Variants in MYH14 observed in about 807,000 individuals in gnomAD.
MYH14 encodes the protein myosin heavy chain 14.
Under a neutral mutation model 255.5 loss-of-function variants are expected in MYH14, and 123 were observed. That is an observed-to-expected ratio of 0.48 (90% CI 0.42 to 0.56). The LOEUF (loss-of-function observed/expected upper bound fraction) is 0.56. MYH14 is among the 20% of genes least tolerant of loss of function. The pLI, the probability that MYH14 is intolerant of heterozygous loss-of-function variation, is 0.00. For synonymous variants in MYH14, 1,095 were observed against 1,161.2 expected, an observed-to-expected ratio of 0.94 and a Z score of 1.16; for missense variants, 2,423 against 2,802.3, an observed-to-expected ratio of 0.86 and a Z score of 3.06.
chr19:50,285,647 A>G (rs2035867026), intron 33 of MYH14: 1 of 152,172 alleles, frequency 6.6e-6, no homozygotes, highest in Admixed American at 6.5e-5. Context: ...TACATAGATG[A>G]TCATGTTTTC....
rs921406950 is a variant in MYH14 at position 50,290,948 on chromosome 19, C to G, written c.5027C>G (p.Ala1676Gly). 1 of 1,597,750 alleles carries G rather than the reference C, an allele frequency of 6.3e-7. No individual in the cohort carries two copies. The highest frequency in any genetic ancestry group is 8.5e-7 in the Non-Finnish European group (1 of 1,172,920). ...ERKQRTLAVA[A>G]RKKLEGELEE... ...AAGCAGCGCACTCTGGCCGTGGCTG[C>G]CCGCAAGAAGCTGGAGGGAGAGCTG... Residue 1676 changes from alanine (A) to glycine (G), a missense_variant, in exon 36 of 43, where the codon GCC (alanine) becomes GGC (glycine). This residue lies in a region of MYH14 where 1,513 missense variants were observed against 1,674.8 expected (regional missense o/e 0.90). Coordinates refer to ENST00000642316, the MANE Select transcript of MYH14 (RefSeq NM_001145809.2).
intron 21 of MYH14, among the ~76,000 whole-genome samples, chr19:50,261,930 C>T (rs1372944513): frequency 2.0e-5 from 3 of 152,120 alleles, no homozygotes; most frequent in African/African-American, 4.8e-5. Flanking sequence ...ACTTCCAGTG[C>T]TAAAACAGAG....
At chr19:50,227,014 T>C in intron 8 of MYH14, 48 bp downstream of exon 8, 1 of 1,570,298 alleles carries the variant, frequency 6.4e-7, no homozygotes, top group Non-Finnish European at 8.7e-7. Context: ...GGGCAGCCTT[T>C]CAGACAGCAC....
rs202198038 is a variant in MYH14 at position 50,249,092 on chromosome 19, G to A, written c.1435G>A (p.Ala479Thr). The change falls in exon 13 of 43, where the codon GCC (alanine) becomes ACC (threonine). Residue 479 changes from alanine (A) to threonine (T), a missense_variant. By Grantham distance (58) the Ala-to-Thr change is moderately conservative. Around this residue, in one of 3 missense-constraint regions of MYH14, gnomAD observed 672 missense variants for 881.8 expected, o/e 0.76. Transcript: ENST00000642316. Reference sequence around the variant, plus strand: ...CTTGGACCGCAGCCCCCGCCAAGGCGCCTCCTTCCTGGGCATCCTGGACAT... The same window carrying A: ...CTTGGACCGCAGCCCCCGCCAAGGCACCTCCTTCCTGGGCATCCTGGACAT... Reference protein sequence around the residue: ...RALDRSPRQGASFLGILDIAG... With the variant: ...RALDRSPRQGTSFLGILDIAG... The A allele has an allele frequency of 1.3e-5, 21 of 1,602,742 alleles. No individual in the cohort carries two copies. Among genetic ancestry groups the A allele is most frequent in the African/African-American group, 4.0e-5 (3 of 74,844 alleles).
rs2036793039 is a variant in MYH14 at position 50,309,761 on chromosome 19, G to A, written c.6082G>A (p.Glu2028Lys). Reference sequence around the variant, plus strand: ...TGGGTCTGGGCCATCCCCGGAGCCTGAGGGGTCCCCACCAGCCCACCCCCA... The same window carrying A: ...TGGGTCTGGGCCATCCCCGGAGCCTAAGGGGTCCCCACCAGCCCACCCCCA... Reference protein sequence around the residue: ...QPGSGPSPEPEGSPPAHPQ With the variant: ...QPGSGPSPEPKGSPPAHPQ The change falls in exon 43 of 43, where the codon GAG becomes AAG. Residue 2028 changes from glutamate to lysine, a missense_variant. Transcript: ENST00000642316. 23 of 1,588,410 alleles carry A rather than the reference G, an allele frequency of 1.4e-5. No individual in the cohort carries two copies. The highest frequency in any genetic ancestry group is 1.9e-5 in the Non-Finnish European group (22 of 1,167,858).
intron 18 of MYH14, 88 bp from the exon 19 acceptor site, chr19:50,259,056 A>G (rs956545287): frequency 7.7e-5 from 114 of 1,481,948 alleles, no homozygotes; most frequent in Non-Finnish European, 8.6e-5. Context: ...AGTAAATTAC[A>G]TGTGGAAACA....
intron 11 of MYH14, among the ~76,000 whole-genome samples, chr19:50,246,653 C>A (rs1008636042): frequency 6.0e-5 from 6 of 100,732 alleles, no homozygotes; most frequent in African/African-American, 8.8e-5. Context: ...AACAAAAAAA[C>A]CATCAGAACA....
Position 50,210,591 on chromosome 19 carries a change from G to T in MYH14, c.226G>T (p.Glu76Ter). Residue 76 changes from glutamate (E) to a stop codon, truncating the protein, a stop_gained, in exon 2 of 43, where the codon GAG (glutamate) becomes TAG (stop). Transcript: ENST00000642316. LOFTEE classifies it high-confidence loss of function. Reference protein sequence around the residue: ...EAAALRDEGEEEAEVELAESG... With the variant: ...EAAALRDEGE ...GGCGGCGCTGCGGGACGAAGGCGAG[G>T]AGGAGGCGGAGGTGGAGCTGGCGGA... The T allele has an allele frequency of 6.4e-7, 1 of 1,573,210 alleles. No homozygotes were observed.
At chr19:50,217,277 C>T (rs1214438603) in intron 2 of MYH14, among the ~76,000 whole-genome samples, 1 of 152,184 alleles carries the variant, frequency 6.6e-6, no homozygotes, top group African/African-American at 2.4e-5. Flanking sequence ...TTTGCTGCTA[C>T]AAAGAGTGCC....
At position 50,266,021 on chromosome 19, in the gene MYH14, G is replaced by C. The variant is rs2035070029; in HGVS notation, c.2695-856G>C. Among the ~76,000 whole-genome samples the C allele has an allele frequency of 2.6e-5, 4 of 152,072 alleles. No individual in the cohort carries two copies. The highest frequency in any genetic ancestry group is 2.6e-4 in the Admixed American group (4 of 15,250). ...TACCTGCGAAAGATGCAAGGAGTCG[G>C]GGCAGAAAAGGAGAGAATAGAAGGG... On this transcript the variant is annotated intron_variant, in intron 22 of 42. Coordinates refer to ENST00000642316, the MANE Select transcript of MYH14 (RefSeq NM_001145809.2). This position sits in a 1 kb window ranked among gnomAD's most constrained non-coding sequence, Gnocchi z 4.1.
chr19:50,260,432 A>G (rs757616601), intron 19 of MYH14, among the ~76,000 whole-genome samples: 6 of 152,166 alleles, frequency 3.9e-5, no homozygotes, highest in Non-Finnish European at 7.3e-5. Context: ...CTCAAAAAAC[A>G]AACAAAACAA....
In MYH14 at chr19:50,221,312, A is replaced by G. The variant is rs1216720978; in HGVS notation, c.563-1771A>G. 6.6e-6 allele frequency among the ~76,000 whole-genome samples: 1 copy of G among 152,094 alleles called. No individual in the cohort carries two copies. Among genetic ancestry groups the G allele is most frequent in the Non-Finnish European group, 1.5e-5 (1 of 68,006 alleles). ...CTGGCCCAAGGTCACGCAGCAAGTC[A>G]GAGAGGCAGCCGGGCGGTGAACCTG... On this transcript the variant is annotated intron_variant, in intron 3 of 42. Transcript: ENST00000642316. This position sits in a 1 kb window ranked among gnomAD's most constrained non-coding sequence, Gnocchi z 5.3.
intron 32 of MYH14, 127 bp from the exon 33 acceptor site, chr19:50,281,467 C>A: frequency 7.3e-7 from 1 of 1,361,304 alleles, no homozygotes; most frequent in South Asian, 1.6e-5. Context: ...GGCAGAAGAG[C>A]CCAGCAGAAT....
At chr19:50,260,749 G>GTA in intron 20 of MYH14, 34 bp downstream of exon 20, 1 of 1,352,512 alleles carries the variant, frequency 7.4e-7, no homozygotes, top group Non-Finnish European at 1.0e-6. Flanking sequence ...GCGTGTGTGC[G>GTA]TGTGTGTGTG....
At chr19:50,304,148 A>C (rs1568559366) in intron 40 of MYH14, among the ~76,000 whole-genome samples, 1 of 152,374 alleles carries the variant, frequency 6.6e-6, no homozygotes, top group East Asian at 1.9e-4. Flanking sequence ...AGAAAAACTG[A>C]GGCTGAGATG....
At chr19:50,249,463 CCT>C (rs1422541013) in intron 13 of MYH14, 185 bp from the exon 14 acceptor site, 2 of 676,148 alleles carry the variant, frequency 3.0e-6, no homozygotes, top group Non-Finnish European at 4.9e-6. Flanking sequence ...GTCTCTGTCC[CCT>C]GTCTCTGGCT....
rs375259445 is a variant in MYH14, at chr19:50,271,924, C to T, written c.3247C>T (p.Leu1083Phe). Residue 1083 changes from leucine (L) to phenylalanine (F), a missense_variant, in exon 26 of 43, where the codon CTC becomes TTC. Around this residue, in one of 3 missense-constraint regions of MYH14, gnomAD observed 1,513 missense variants for 1,674.8 expected, o/e 0.90. Transcript: ENST00000642316. ...TGAGGAGGAGGAGAAGGTCAAGAGC[C>T]TCAATAAGCTACGGCTCAAATATGA... The part of the protein sequence containing the change: ...AAEEEEKVKS[L>F]NKLRLKYEAT... 1.2e-6 allele frequency: 2 copies of T among 1,612,256 alleles called. No individual in the cohort carries two copies. The highest frequency in any genetic ancestry group is 1.7e-6 in the Non-Finnish European group (2 of 1,179,382).
At chr19:50,232,609 A>AC (rs1275022217) in intron 10 of MYH14, among the ~76,000 whole-genome samples, 2 of 150,466 alleles carry the variant, frequency 1.3e-5, no homozygotes, top group African/African-American at 4.9e-5. Context: ...AAAAAAAAAA[A>AC]AAAAAAACAA....
chr19:50,267,421 G>A (rs1030132585), intron 23 of MYH14, among the ~76,000 whole-genome samples: 2 of 152,136 alleles, frequency 1.3e-5, no homozygotes, highest in African/African-American at 2.4e-5. Context: ...GGAGGCTGAC[G>A]CGGGCAGATC....
Sources: allele counts gnomAD v4.1 joint callset (sites outside exome capture counted in the v4.1 genomes callset), GRCh38; gene constraint gnomAD v4.1.1; regional missense constraint gnomAD v4.1.1; non-coding constraint Gnocchi (gnomAD v3.1); transcripts MANE v1.5; gene names NCBI Gene and HGNC (gene_info 2026-07-23, HGNC 2026-07-21).